Variants in SPDL1 observed in about 807,000 individuals in gnomAD.
SPDL1 encodes protein Spindly.
SPDL1 carries 85 observed loss-of-function variants against 79.5 expected under a neutral mutation model. The observed-to-expected ratio is 1.07, with a 90% CI of 0.90 to 1.28. The LOEUF is 1.28. SPDL1 is among the 50% of genes most tolerant of loss of function. The pLI is 0.00. For missense variants in SPDL1, 703 were observed against 697.8 expected, an observed-to-expected ratio of 1.01 and a Z score of -0.08; for synonymous variants, 269 against 240.3, an observed-to-expected ratio of 1.12 and a Z score of -1.10.
intron 11 of SPDL1, among the ~76,000 whole-genome samples, chr5:169,602,494 A>G (rs572989097): frequency 6.6e-6 from 1 of 152,352 alleles, no homozygotes; most frequent in East Asian, 1.9e-4. Flanking sequence ...TGAGATGTTG[A>G]AGGTGCTACT....
At chr5:169,585,277 A>G (rs547071922) in intron 1 of SPDL1, among the ~76,000 whole-genome samples, 49 of 152,312 alleles carry the variant, frequency 3.2e-4, no homozygotes, top group East Asian at 5.8e-4. Context: ...CACTTATCAT[A>G]CTTGTAACTT....
At chr5:169,597,986 A>G (rs80199224) in intron 8 of SPDL1, among the ~76,000 whole-genome samples, 8,162 of 152,066 alleles carry the variant, frequency 0.054, 252 homozygotes, top group Non-Finnish European at 0.058. Flanking sequence ...AGAGAAATGT[A>G]TAGTTTCCAT....
At chr5:169,587,343 G>C (rs1349325350) in intron 1 of SPDL1, 1 of 152,180 alleles carries the variant, frequency 6.6e-6, no homozygotes, top group Non-Finnish European at 1.5e-5. Flanking sequence ...GGAACATCTT[G>C]CAATGACCTG....
At chr5:169,594,059 G>A in intron 4 of SPDL1, 86 bp from the exon 5 acceptor site, 2 of 1,127,880 alleles carry the variant, frequency 1.8e-6, no homozygotes, top group Non-Finnish European at 2.5e-6. Context: ...AATTTTGGAT[G>A]TGAACCACAA....
At chr5:169,584,423 C>T (rs866585336) in intron 1 of SPDL1, among the ~76,000 whole-genome samples, 2 of 152,150 alleles carry the variant, frequency 1.3e-5, no homozygotes, top group South Asian at 2.1e-4. Context: ...ACAGCACTGC[C>T]CCAGCCGTGT....
At position 169,601,397 on chromosome 5, in the gene SPDL1, C is replaced by T. The variant is rs147788748; in HGVS notation, c.1442C>T (p.Pro481Leu). ...SALGGEVYRL[P>L]PQKEETQSCP... ...CTCGGGGGAGAAGTTTATCGATTAC[C>T]GCCTCAGAAAGAGGAGACACAGTCC... is the stretch of plus-strand genomic sequence containing the variant. Residue 481 changes from proline (P) to leucine (L), a missense_variant, in exon 11 of 12, where the codon CCG becomes CTG. By Grantham distance (98) the Pro-to-Leu change is moderately conservative. Transcript: ENST00000265295. 851 of 1,613,804 alleles carry T rather than the reference C, an allele frequency of 5.3e-4. 1 individual carries two copies. Among genetic ancestry groups the T allele is most frequent in the Non-Finnish European group, 6.4e-4 (751 of 1,179,988 alleles).
At chr5:169,601,938 C>T (rs1034266625) in intron 11 of SPDL1, 2 of 367,696 alleles carry the variant, frequency 5.4e-6, no homozygotes, top group Non-Finnish European at 5.1e-6. Flanking sequence ...TTATTTTTCT[C>T]CTGGTTCAAG....
chr5:169,585,772 C>T (rs1360012017), intron 1 of SPDL1, among the ~76,000 whole-genome samples: 1 of 152,226 alleles, frequency 6.6e-6, no homozygotes, highest in Non-Finnish European at 1.5e-5. Flanking sequence ...TCTTCATTCT[C>T]AGTTAAAGAC....
At chr5:169,594,350 CTAATG>C (rs773590547) in intron 5 of SPDL1, 39 bp from the exon 6 acceptor site, 1 of 1,611,146 alleles carries the variant, frequency 6.2e-7, no homozygotes, top group East Asian at 2.2e-5. Context: ...TATTTTCTTG[CTAATG>C]TAATCTCTGT....
Position 169,592,805 on chromosome 5 carries a change from C to CTT in SPDL1, c.337-528_337-527dup, listed in dbSNP as rs11301691. On this transcript the variant is annotated intron_variant, in intron 3 of 11. Transcript: ENST00000265295. ...GAGGTAAGGCTAATTATAGAGATGG[C>CTT]TTTTTTTTTTTTTTTTTTTTTTGGT... Among the ~76,000 whole-genome samples, 31 of 84,978 alleles carry CTT rather than the reference C, an allele frequency of 3.6e-4. 2 individuals carry two copies. The highest frequency in any genetic ancestry group is 9.7e-4 in the South Asian group (2 of 2,064). The allele number at this position is 84,978 out of a possible 152,430, so 55.7% of individuals were successfully genotyped here. A position where few individuals can be genotyped will look rare whatever the true frequency, so the allele number is the denominator to read the frequency against.
intron 1 of SPDL1, among the ~76,000 whole-genome samples, chr5:169,585,444 T>G (rs1754942955): frequency 6.6e-6 from 1 of 152,240 alleles, no homozygotes; most frequent in Non-Finnish European, 1.5e-5. Flanking sequence ...AAAGCAAATT[T>G]TTTTTGGCTT....
Position 169,594,388 on chromosome 5 carries a change from A to G in SPDL1, c.682-6A>G. ...TGTTGCCTAAATTGTTTTCTTTTGA[A>G]TTTAGAAAGCTCGTGTAGCAAATCA... is the stretch of plus-strand genomic sequence containing the variant. On this transcript the variant is annotated splice_polypyrimidine_tract_variant and splice_region_variant and intron_variant, in intron 5 of 11. Coordinates refer to ENST00000265295, the MANE Select transcript of SPDL1 (RefSeq NM_017785.5). The G allele has an allele frequency of 6.2e-7, 1 of 1,613,890 alleles. No individual in the cohort carries two copies. Among genetic ancestry groups the G allele is most frequent in the Non-Finnish European group, 8.5e-7 (1 of 1,179,852 alleles).
At chr5:169,603,700 G>A (rs182947658) in intron 11 of SPDL1, among the ~76,000 whole-genome samples, 510 of 152,116 alleles carry the variant, frequency 3.4e-3, no homozygotes, top group Non-Finnish European at 5.6e-3. Flanking sequence ...CTAAAAATAC[G>A]AAAATTAGCT....
chr5:169,594,762 C>T, intron 7 of SPDL1, 81 bp downstream of exon 7: 2 of 863,392 alleles, frequency 2.3e-6, no homozygotes, highest in Non-Finnish European at 3.7e-6. Context: ...AAGAAACTAG[C>T]TTTTTCTGCA....
rs755093941 is a variant in SPDL1 at position 169,601,493 on chromosome 5, GTC to G, written c.1545_1546del (p.Pro516SerfsTer25). ...GTTTCTATATACACACCAGTAGTCA[GTC>G]TCTCTCCTCACAAAAATCTGCCCGT... On this transcript the variant is annotated frameshift_variant, in exon 11 of 12. Transcript: ENST00000265295. LOFTEE classifies it high-confidence loss of function. The G allele has an allele frequency of 5.1e-5, 82 of 1,614,124 alleles. No homozygotes were observed. The highest frequency in any genetic ancestry group is 2.1e-4 in the South Asian group (19 of 91,084).
rs1210099072 is a variant in SPDL1, at chr5:169,601,495, C to T, written c.1540C>T (p.Leu514Phe). 1 of 1,613,810 alleles carries T rather than the reference C, an allele frequency of 6.2e-7. No homozygotes were observed. The highest frequency in any genetic ancestry group is 8.5e-7 in the Non-Finnish European group (1 of 1,179,896). The change falls in exon 11 of 12, where the codon CTC becomes TTC. Residue 514 changes from leucine to phenylalanine, a missense_variant. By Grantham distance (22) the Leu-to-Phe change is conservative. Transcript: ENST00000265295. ...TTCTATATACACACCAGTAGTCAGT[C>T]TCTCTCCTCACAAAAATCTGCCCGT... ...SVSIYTPVVSLSPHKNLPVDM... is the reference protein window; with the variant it reads ...SVSIYTPVVSFSPHKNLPVDM...
chr5:169,596,456 G>A (rs1561873614), intron 7 of SPDL1, 105 bp from the exon 8 acceptor site: 2 of 942,150 alleles, frequency 2.1e-6, no homozygotes, highest in Non-Finnish European at 1.6e-6. Flanking sequence ...TTTCCAAAAT[G>A]AGTTCAAAGT....
chr5:169,604,206 A>G lies in SPDL1; in HGVS notation c.1817A>G (p.Ter606=), dbSNP rs1756074474. 1.5e-5 allele frequency: 24 copies of G among 1,577,564 alleles called. No individual in the cohort carries two copies. Among genetic ancestry groups the G allele is most frequent in the Non-Finnish European group, 1.9e-5 (22 of 1,166,268 alleles). Residue 606 remains the stop codon, a stop_retained_variant, in exon 12 of 12, where the codon TAA becomes TGA. Transcript: ENST00000265295. ...STPETQCPQQ[*] ...CCAGAGACCCAGTGCCCTCAACAGTAAAGACTTGTCTTTAATAAGAGTACG... is the reference window on the plus strand; with the variant it reads ...CCAGAGACCCAGTGCCCTCAACAGTGAAGACTTGTCTTTAATAAGAGTACG...
chr5:169,601,310 G>GGCGT lies in SPDL1; in HGVS notation c.1357_1360dup (p.Glu454AlafsTer2), dbSNP rs1755864846. ...GTTGAAGTGCCTGTACTGAAAAAGAGGCGTGAGGTGCTCCCTGTGGATATA... is the reference window on the plus strand; with the variant it reads ...GTTGAAGTGCCTGTACTGAAAAAGAGGCGTGCGTGAGGTGCTCCCTGTGGATATA... On this transcript the variant is annotated frameshift_variant, in exon 11 of 12. Transcript: ENST00000265295. LOFTEE classifies it high-confidence loss of function. 6.2e-7 allele frequency: 1 copy of GGCGT among 1,613,006 alleles called. No homozygotes were observed. The highest frequency in any genetic ancestry group is 1.1e-5 in the South Asian group (1 of 91,026).
Sources: allele counts gnomAD v4.1 joint callset (sites outside exome capture counted in the v4.1 genomes callset), GRCh38; gene constraint gnomAD v4.1.1; transcripts MANE v1.5; gene names NCBI Gene and HGNC (gene_info 2026-07-23, HGNC 2026-07-21).